RALYL: variants seen among roughly 807,000 people sequenced by gnomAD.
RALYL encodes RALY RNA binding protein like.
RALYL carries 29 observed loss-of-function variants against 35.1 expected under a neutral mutation model. The observed-to-expected ratio is 0.83, with a 90% CI of 0.61 to 1.13. RALYL has a LOEUF of 1.13. Ranked by LOEUF, RALYL falls within the 50% of genes most tolerant of loss-of-function variation. The probability of loss-of-function intolerance (pLI) is 0.00; values close to 1 mark genes in which losing one functional copy is unlikely to be tolerated. For missense variants in RALYL, 359 were observed against 360.4 expected (o/e 1.00, Z 0.03); for synonymous variants, 120 against 127.6 (o/e 0.94, Z 0.40).
At chr8:84,811,052 C>A (rs193270478) in intron 4 of RALYL, among the ~76,000 whole-genome samples, 1 of 151,748 alleles carries the variant, frequency 6.6e-6, no homozygotes, top group South Asian at 2.1e-4. Context: ...GCCTGCGTAC[C>A]TTGGTTTTGT....
intron 1 of RALYL, among the ~76,000 whole-genome samples, chr8:84,469,529 A>T (rs2052353824): frequency 6.6e-6 from 1 of 152,152 alleles, no homozygotes. Flanking sequence ...TCCTGGGAGA[A>T]CCACTGCTCT....
chr8:84,711,991 A>T (rs1842263050), intron 2 of RALYL, among the ~76,000 whole-genome samples: 2 of 152,148 alleles, frequency 1.3e-5, no homozygotes, highest in South Asian at 4.1e-4. Context: ...TCTAGGTTTT[A>T]AAACTTTTTT....
chr8:84,797,196 G>A lies in RALYL; in HGVS notation c.333-7574G>A, dbSNP rs897348051. 2.0e-5 allele frequency among the ~76,000 whole-genome samples: 3 copies of A among 152,116 alleles called. 1 individual carries two copies. The highest frequency in any genetic ancestry group is 1.9e-4 in the East Asian group (1 of 5,198). On this transcript the variant is annotated intron_variant, in intron 3 of 8. Transcript: ENST00000521268. The stretch of plus-strand genomic sequence containing the variant: ...AAGAAACGCATGCACAAAACAGAGC[G>A]AAAAAGCAGATCAAATCCACATCTG...
intron 1 of RALYL, among the ~76,000 whole-genome samples, chr8:84,387,140 C>T (rs138781313): frequency 1.4e-4 from 21 of 151,848 alleles, no homozygotes; most frequent in South Asian, 2.1e-4. Flanking sequence ...ATGTAAGTAA[C>T]GTAACTAGCA....
At chr8:84,277,302 T>C (rs1409431805) in intron 1 of RALYL, among the ~76,000 whole-genome samples, 1 of 152,130 alleles carries the variant, frequency 6.6e-6, no homozygotes, top group Admixed American at 6.5e-5. Context: ...AACCATCAGA[T>C]CTTGTGAGAC....
intron 8 of RALYL, among the ~76,000 whole-genome samples, chr8:84,891,166 GA>G (rs1245644651): frequency 2.0e-5 from 3 of 152,138 alleles, no homozygotes; most frequent in Admixed American, 6.6e-5. Context: ...GAGGGGCTCA[GA>G]TGCAAGATGA....
At chr8:84,463,892 T>A (rs939585939) in intron 1 of RALYL, among the ~76,000 whole-genome samples, 2 of 151,846 alleles carry the variant, frequency 1.3e-5, no homozygotes, top group African/African-American at 4.8e-5. Flanking sequence ...TTTCCACTTG[T>A]CTCTTTGTTT....
chr8:84,478,922 T>TAAAAAAAAAAAAAAAAAAAGAAAAA (rs1587656659), intron 1 of RALYL, among the ~76,000 whole-genome samples: 1 of 85,254 alleles, frequency 1.2e-5, no homozygotes, highest in Non-Finnish European at 2.7e-5. Context: ...CCGTCTCTAC[T>TAAAAAAAAAAAAAAAAAAAGAAAAA]AAAAATACAA....
chr8:84,412,837 C>G (rs1361168893), intron 1 of RALYL, among the ~76,000 whole-genome samples: 1 of 151,828 alleles, frequency 6.6e-6, no homozygotes, highest in Non-Finnish European at 1.5e-5. Flanking sequence ...CAAGTAGAGA[C>G]ATATAGTTTA....
At chr8:84,603,505 G>A (rs759119150) in intron 2 of RALYL, among the ~76,000 whole-genome samples, 20 of 151,968 alleles carry the variant, frequency 1.3e-4, no homozygotes, top group Non-Finnish European at 2.5e-4. Context: ...GAAAAGGAGA[G>A]TGGGAAAAAG....
intron 2 of RALYL, among the ~76,000 whole-genome samples, chr8:84,725,781 A>T (rs1438094964): frequency 2.0e-5 from 3 of 151,718 alleles, no homozygotes; most frequent in Admixed American, 6.6e-5. Flanking sequence ...TACTCTTTTC[A>T]TAAACATTAG....
At chr8:84,624,467 A>G (rs901489803) in intron 2 of RALYL, among the ~76,000 whole-genome samples, 3 of 152,116 alleles carry the variant, frequency 2.0e-5, no homozygotes, top group African/African-American at 7.2e-5. Context: ...TTCATCTTCA[A>G]TGCCAGCACC....
intron 2 of RALYL, among the ~76,000 whole-genome samples, chr8:84,727,754 G>A (rs1417549863): frequency 6.6e-6 from 1 of 151,712 alleles, no homozygotes; most frequent in Non-Finnish European, 1.5e-5. Context: ...ATAGTTTACT[G>A]AGAATGATGA....
intron 4 of RALYL, among the ~76,000 whole-genome samples, chr8:84,810,585 A>G (rs1825688384): frequency 6.6e-6 from 1 of 152,116 alleles, no homozygotes; most frequent in Non-Finnish European, 1.5e-5. Flanking sequence ...TCAGTGGAGT[A>G]TTGAAGTTCC....
At chr8:84,401,944 G>T (rs1446123135) in intron 1 of RALYL, among the ~76,000 whole-genome samples, 2 of 151,784 alleles carry the variant, frequency 1.3e-5, no homozygotes, top group Non-Finnish European at 2.9e-5. Context: ...GCTTAGTTCA[G>T]ATCTCATCTC....
At chr8:84,773,162 A>G (rs1320553511) in intron 2 of RALYL, among the ~76,000 whole-genome samples, 1 of 152,194 alleles carries the variant, frequency 6.6e-6, no homozygotes, top group Non-Finnish European at 1.5e-5. Context: ...AGCAACAAGT[A>G]TCTTTAAGGA....
intron 1 of RALYL, among the ~76,000 whole-genome samples, chr8:84,477,703 G>A (rs1043042734): frequency 2.4e-5 from 3 of 125,416 alleles, no homozygotes; most frequent in African/African-American, 5.6e-5. Flanking sequence ...TTGAATTTTA[G>A]TGAAAAGAAT....
chr8:84,900,666 C>T (rs1003820653), intron 8 of RALYL, among the ~76,000 whole-genome samples: 1 of 150,526 alleles, frequency 6.6e-6, no homozygotes, highest in Non-Finnish European at 1.5e-5. Context: ...GCAACAAGAG[C>T]GAAAGTTTGT....
intron 4 of RALYL, among the ~76,000 whole-genome samples, chr8:84,839,545 G>C (rs1277779732): frequency 1.3e-5 from 2 of 152,218 alleles, no homozygotes; most frequent in Non-Finnish European, 2.9e-5. Flanking sequence ...TCTGAGGGCA[G>C]GGCACAGCCA....
Sources: allele counts gnomAD v4.1 joint callset (sites outside exome capture counted in the v4.1 genomes callset), GRCh38; gene constraint gnomAD v4.1.1; transcripts MANE v1.5; gene names NCBI Gene and HGNC (gene_info 2026-07-23, HGNC 2026-07-21).